AGBL4: variants seen among roughly 807,000 people sequenced by gnomAD.
The protein encoded by AGBL4 is AGBL carboxypeptidase 4, also known as cytosolic carboxypeptidase 6.
AGBL4 carries 58 observed loss-of-function variants against 66.4 expected under a neutral mutation model. The observed-to-expected ratio is 0.87, with a 90% CI of 0.71 to 1.09. The LOEUF is 1.09. Among genes scored for constraint, AGBL4 ranks in the 50% least tolerant of loss-of-function variants. The pLI is 0.00. For missense variants in AGBL4, 579 were observed against 631.0 expected (o/e 0.92, Z 0.88); for synonymous variants, 234 against 222.9 (o/e 1.05, Z -0.44).
chr1:50,018,785 A>T (rs1662185255), intron 1 of AGBL4, among the ~76,000 whole-genome samples: 2 of 152,118 alleles, frequency 1.3e-5, no homozygotes, highest in African/African-American at 4.8e-5. Flanking sequence ...CTGTCAAAAA[A>T]TAGTTTTCTG....
chr1:49,234,129 C>G (rs969012189), intron 4 of AGBL4, among the ~76,000 whole-genome samples: 1 of 152,156 alleles, frequency 6.6e-6, no homozygotes, highest in Non-Finnish European at 1.5e-5. Flanking sequence ...TGGAAGAAAT[C>G]AACTTGTATT....
chr1:49,648,703 G>A (rs547748869), intron 3 of AGBL4, among the ~76,000 whole-genome samples: 5 of 151,578 alleles, frequency 3.3e-5, no homozygotes, highest in South Asian at 4.2e-4. Flanking sequence ...AAAAGACAAC[G>A]GAGTAAAATA....
intron 5 of AGBL4, among the ~76,000 whole-genome samples, chr1:49,004,292 T>C (rs1439407295): frequency 6.6e-6 from 1 of 152,046 alleles, no homozygotes; most frequent in Non-Finnish European, 1.5e-5. Flanking sequence ...TTCCCCAAGA[T>C]AGAGTCAGGA....
chr1:49,475,282 A>T (rs1030494199), intron 3 of AGBL4, among the ~76,000 whole-genome samples: 1 of 152,016 alleles, frequency 6.6e-6, no homozygotes, highest in South Asian at 2.1e-4. Context: ...TTCCAGGAAT[A>T]AAGCCCACTT....
chr1:49,939,673 C>T (rs1384637066), intron 1 of AGBL4, among the ~76,000 whole-genome samples: 1 of 152,116 alleles, frequency 6.6e-6, no homozygotes, highest in Non-Finnish European at 1.5e-5. Flanking sequence ...AAATTGGATC[C>T]CTTCCTTACA....
At chr1:49,953,249 A>C (rs1159021248) in intron 1 of AGBL4, among the ~76,000 whole-genome samples, 1 of 151,948 alleles carries the variant, frequency 6.6e-6, no homozygotes, top group Non-Finnish European at 1.5e-5. Flanking sequence ...TTTACACTTC[A>C]TTGATCATAT....
intron 2 of AGBL4, among the ~76,000 whole-genome samples, chr1:49,755,250 T>C (rs1193897346): frequency 6.6e-6 from 1 of 152,146 alleles, no homozygotes; most frequent in African/African-American, 2.4e-5. Context: ...AAATTATTCC[T>C]CATACCATGC....
chr1:48,721,404 A>AG lies in AGBL4; in HGVS notation c.635-58164dup, dbSNP rs1647147285. Among the ~76,000 whole-genome samples the AG allele has an allele frequency of 2.0e-5, 3 of 152,210 alleles. No individual in the cohort carries two copies. The East Asian group carries it at 5.8e-4, about 29-fold the overall frequency. ...TGAGGAAATCAATGGCAGGGAACCA[A>AG]GGACAATGATGCAGGGAATGCCACC... On this transcript the variant is annotated intron_variant, in intron 6 of 13. Transcript: ENST00000371839.
intron 3 of AGBL4, among the ~76,000 whole-genome samples, chr1:49,610,642 A>G (rs889779448): frequency 6.6e-6 from 1 of 152,198 alleles, no homozygotes; most frequent in Non-Finnish European, 1.5e-5. Context: ...TGACGGAGCT[A>G]TTTGGCCCTT....
At chr1:49,771,580 T>C (rs932851663) in intron 2 of AGBL4, among the ~76,000 whole-genome samples, 1 of 152,128 alleles carries the variant, frequency 6.6e-6, no homozygotes, top group African/African-American at 2.4e-5. Flanking sequence ...TTTCCATTGT[T>C]AAAAGCGGGT....
chr1:48,704,436 T>A (rs902608750), intron 6 of AGBL4, among the ~76,000 whole-genome samples: 9 of 152,248 alleles, frequency 5.9e-5, no homozygotes, highest in Non-Finnish European at 1.0e-4. Flanking sequence ...TATAAACTTT[T>A]AATTTTTTTA....
intron 3 of AGBL4, among the ~76,000 whole-genome samples, chr1:49,398,011 C>T (rs1645006325): frequency 6.6e-6 from 1 of 152,164 alleles, no homozygotes; most frequent in Non-Finnish European, 1.5e-5. Flanking sequence ...CATTAAAGTA[C>T]TTTGTTTGTC....
chr1:48,965,307 G>T (rs757221700), intron 5 of AGBL4, among the ~76,000 whole-genome samples: 8 of 152,132 alleles, frequency 5.3e-5, no homozygotes, highest in Non-Finnish European at 1.5e-5. Context: ...AACAGAGGAG[G>T]CTTCATAAAG....
chr1:48,642,047 A>G (rs892495777), intron 8 of AGBL4, among the ~76,000 whole-genome samples: 2 of 152,154 alleles, frequency 1.3e-5, no homozygotes, highest in African/African-American at 4.8e-5. Context: ...TGGGTAAAGT[A>G]CAGAATAATG....
rs150329834 is a variant in AGBL4 at position 49,303,829 on chromosome 1, G to A, written c.283-57965C>T. Among the ~76,000 whole-genome samples the A allele has an allele frequency of 6.7e-3, 1,024 of 152,060 alleles. 4 individuals carry two copies. The highest frequency in any genetic ancestry group is 0.011 in the Non-Finnish European group (752 of 67,980). On this transcript the variant is annotated intron_variant, in intron 3 of 13. Coordinates refer to ENST00000371839, the MANE Select transcript of AGBL4 (RefSeq NM_032785.4). Reference sequence around the variant, plus strand: ...TCATGTCCTTTGCCTGCTTTTTAATGGGGTTGGTTTTTTCTCGTAAATTTA... The same window carrying A: ...TCATGTCCTTTGCCTGCTTTTTAATAGGGTTGGTTTTTTCTCGTAAATTTA...
chr1:49,980,867 G>T (rs1659001602), intron 1 of AGBL4, among the ~76,000 whole-genome samples: 1 of 152,258 alleles, frequency 6.6e-6, no homozygotes, highest in East Asian at 1.9e-4. Flanking sequence ...CTGGCTAATT[G>T]TATGGCATAT....
chr1:49,370,264 C>T (rs1644316289), intron 3 of AGBL4, among the ~76,000 whole-genome samples: 1 of 151,188 alleles, frequency 6.6e-6, no homozygotes, highest in South Asian at 2.1e-4. Context: ...GGAACTGGCT[C>T]ACGTTATAGT....
intron 11 of AGBL4, among the ~76,000 whole-genome samples, chr1:48,577,365 G>A (rs933325874): frequency 3.9e-5 from 6 of 152,120 alleles, no homozygotes. Context: ...CTTTATCATC[G>A]ACTTGGTTTC....
intron 4 of AGBL4, among the ~76,000 whole-genome samples, chr1:49,210,750 C>G (rs1648601197): frequency 6.6e-6 from 1 of 151,984 alleles, no homozygotes; most frequent in South Asian, 2.1e-4. Flanking sequence ...TTTATATGAA[C>G]TTACACAAAT....
Sources: gnomAD v4.1 joint callset for allele counts (sites outside exome capture counted in the v4.1 genomes callset) on GRCh38, gnomAD v4.1.1 for gene constraint, MANE v1.5 for transcripts, NCBI Gene and HGNC (gene_info 2026-07-23, HGNC 2026-07-21) for gene names.